The following ALOX5 variants were observed in gnomAD, a reference collection of about 807,000 sequenced individuals.
ALOX5 encodes the protein polyunsaturated fatty acid 5-lipoxygenase.
Under a neutral mutation model 87.9 loss-of-function variants are expected in ALOX5, and 64 were observed. The observed-to-expected ratio is 0.73, with a 90% CI of 0.60 to 0.90. ALOX5 has a LOEUF of 0.90. Among genes scored for constraint, ALOX5 ranks in the 40% least tolerant of loss-of-function variants. The pLI, the probability that ALOX5 is intolerant of heterozygous loss-of-function variation, is 0.00. For synonymous variants in ALOX5, 388 were observed against 355.1 expected (o/e 1.09, Z -1.04); for missense variants, 822 against 907.5 (o/e 0.91, Z 1.21).
chr10:45,440,340 C>T (rs1270692883), intron 7 of ALOX5, 90 bp from the exon 8 acceptor site: 11 of 1,382,358 alleles, frequency 8.0e-6, no homozygotes, highest in African/African-American at 1.4e-5. Context: ...AATTCAGATA[C>T]TTCTGGAACT....
intron 9 of ALOX5, chr10:45,442,806 C>G: frequency 1.8e-6 from 1 of 541,680 alleles, no homozygotes; most frequent in Non-Finnish European, 3.2e-6. Context: ...CTCTGCAGCC[C>G]CACGGTTCAG....
rs758568546 is a variant in ALOX5, at chr10:45,382,593, G to A, written c.261G>A (p.Thr87=). 58 of 1,614,036 alleles carry A rather than the reference G, an allele frequency of 3.6e-5. 1 individual carries two copies. Among genetic ancestry groups the A allele is most frequent in the Non-Finnish European group, 4.5e-5 (53 of 1,180,054 alleles). ...LNDDWYLKYI[T]LKTPHGDYIE... is the part of the protein sequence containing the mutation. ...ACGACTGGTACCTGAAGTACATCACGCTGAAGACGCCCCACGGGGACTACA... is the reference window on the plus strand; with the variant it reads ...ACGACTGGTACCTGAAGTACATCACACTGAAGACGCCCCACGGGGACTACA... Residue 87 remains threonine (T), a synonymous_variant, in exon 2 of 14, where the codon ACG becomes ACA. Coordinates refer to ENST00000374391, the MANE Select transcript of ALOX5 (RefSeq NM_000698.5).
At chr10:45,387,936 G>A (rs1840062015) in intron 2 of ALOX5, among the ~76,000 whole-genome samples, 1 of 152,222 alleles carries the variant, frequency 6.6e-6, no homozygotes, top group Non-Finnish European at 1.5e-5. Flanking sequence ...TCTCACTGGG[G>A]ATTGTTGGAC....
intron 3 of ALOX5, among the ~76,000 whole-genome samples, chr10:45,406,872 A>G (rs1840904256): frequency 6.6e-6 from 1 of 152,198 alleles, no homozygotes; most frequent in South Asian, 2.1e-4. Context: ...CATGTCTGGA[A>G]TTCCCAAAAC....
chr10:45,383,487 G>A (rs1839911787), intron 2 of ALOX5, among the ~76,000 whole-genome samples: 1 of 152,254 alleles, frequency 6.6e-6, no homozygotes, highest in Non-Finnish European at 1.5e-5. Flanking sequence ...AACCTGGAAA[G>A]ATAAGCCTTC....
At chr10:45,418,851 G>GA (rs1336348933) in intron 4 of ALOX5, among the ~76,000 whole-genome samples, 1 of 152,240 alleles carries the variant, frequency 6.6e-6, no homozygotes, top group Non-Finnish European at 1.5e-5. Flanking sequence ...TGGCAGGGCT[G>GA]AAAAGACAAT....
intron 4 of ALOX5, among the ~76,000 whole-genome samples, chr10:45,413,926 A>G (rs1841165793): frequency 1.3e-5 from 2 of 152,314 alleles, no homozygotes; most frequent in Non-Finnish European, 2.9e-5. Flanking sequence ...ACCACTGCTC[A>G]ACAAAATAAA....
At chr10:45,412,605 C>T (rs1251480603) in intron 4 of ALOX5, among the ~76,000 whole-genome samples, 2 of 152,230 alleles carry the variant, frequency 1.3e-5, no homozygotes, top group East Asian at 1.9e-4. Context: ...ATATCTCATG[C>T]TCTCTATGGC....
rs1340225089 is a variant in ALOX5, at chr10:45,444,136, C to T, written c.1695C>T (p.Ile565=). The T allele has an allele frequency of 6.5e-7, 1 of 1,547,698 alleles. No individual in the cohort carries two copies. Among genetic ancestry groups the T allele is most frequent in the Admixed American group, 2.0e-5 (1 of 51,208 alleles). The change falls in exon 13 of 14, where the codon ATC becomes ATT. Residue 565 remains isoleucine (I), a synonymous_variant. Coordinates refer to ENST00000374391, the MANE Select transcript of ALOX5 (RefSeq NM_000698.5). ...NFGQYDWCSW[I]PNAPPTMRAP... is the part of the protein sequence containing the mutation. ...CGCAGTACGACTGGTGCTCCTGGAT[C>T]CCCAATGCGCCCCCAACCATGCGAG...
At chr10:45,418,170 G>A (rs373810219) in intron 4 of ALOX5, among the ~76,000 whole-genome samples, 2 of 152,314 alleles carry the variant, frequency 1.3e-5, no homozygotes, top group South Asian at 4.1e-4. Context: ...AGTTCTGCGG[G>A]GGAGAGAAGA....
rs888080240 is a variant in ALOX5 at position 45,443,807 on chromosome 10, C to G, written c.1653C>G (p.His551Gln). The G allele has an allele frequency of 1.9e-6, 3 of 1,609,338 alleles. No homozygotes were observed. Among genetic ancestry groups the G allele is most frequent in the Non-Finnish European group, 1.7e-6 (2 of 1,178,306 alleles). Residue 551 changes from histidine (H) to glutamine (Q), a missense_variant, in exon 12 of 14, where the codon CAC (histidine) becomes CAG (glutamine). His to Gln is a conservative substitution (Grantham distance 24, BLOSUM62 0). Transcript: ENST00000374391. ...TVVIFTASAQ[H>Q]AAVNFGQYDW... The stretch of plus-strand genomic sequence containing the variant: ...TGATCTTCACCGCCTCCGCCCAGCA[C>G]GCCGCGGTCAACTTCGGCCAGGTAG...
intron 2 of ALOX5, among the ~76,000 whole-genome samples, chr10:45,386,887 C>G (rs1840026681): frequency 6.6e-6 from 1 of 152,152 alleles, no homozygotes; most frequent in South Asian, 2.1e-4. Context: ...CCGCCCTTAG[C>G]TACCTGCTAC....
intron 4 of ALOX5, among the ~76,000 whole-genome samples, chr10:45,415,774 C>CA (rs1208395181): frequency 9.2e-5 from 14 of 152,276 alleles, no homozygotes; most frequent in African/African-American, 3.4e-4. Context: ...GGGGAATAGT[C>CA]AGTTATGTAT....
At chr10:45,398,463 A>G (rs1840589591) in intron 3 of ALOX5, among the ~76,000 whole-genome samples, 1 of 152,240 alleles carries the variant, frequency 6.6e-6, no homozygotes, top group African/African-American at 2.4e-5. Flanking sequence ...ATATGACACC[A>G]AAAGCATCAG....
chr10:45,424,197 C>T (rs372321818), intron 5 of ALOX5, 50 bp downstream of exon 5: 2 of 1,443,780 alleles, frequency 1.4e-6, no homozygotes, highest in South Asian at 1.1e-5. Context: ...GGGGATGCTG[C>T]TCTCCTGTCT....
rs552427830 is a variant in ALOX5 at position 45,389,245 on chromosome 10, TG to T, written c.349+6566del. Among the ~76,000 whole-genome samples, 434 of 152,064 alleles carry T rather than the reference TG, an allele frequency of 2.9e-3. 3 individuals are homozygous for T. Among genetic ancestry groups the T allele is most frequent in the Non-Finnish European group, 4.8e-3 (325 of 67,992 alleles). On this transcript the variant is annotated intron_variant, in intron 2 of 13. Transcript: ENST00000374391. ...GTGTACCTGAAAGTGATGGGGAGAA[TG>T]GAACCAGGTTGGAAAACACTCTGCA...
At chr10:45,418,785 C>T (rs1014677705) in intron 4 of ALOX5, among the ~76,000 whole-genome samples, 2 of 152,166 alleles carry the variant, frequency 1.3e-5, no homozygotes, top group Non-Finnish European at 2.9e-5. Flanking sequence ...GGAGGAAAAG[C>T]TGATGTGTTC....
chr10:45,391,434 G>A (rs984727207), intron 2 of ALOX5, among the ~76,000 whole-genome samples: 7 of 152,108 alleles, frequency 4.6e-5, no homozygotes, highest in Admixed American at 6.5e-5. Flanking sequence ...GCGTGATCTC[G>A]GCTCGCTACA....
chr10:45,441,201 A>C, intron 8 of ALOX5, 143 bp from the exon 9 acceptor site: 1 of 698,458 alleles, frequency 1.4e-6, no homozygotes, highest in Non-Finnish European at 2.5e-6. Flanking sequence ...TATTCAGCAG[A>C]AAGATCAGCA....
Sources: gnomAD v4.1 joint callset for allele counts (sites outside exome capture counted in the v4.1 genomes callset) on GRCh38, gnomAD v4.1.1 for gene constraint, MANE v1.5 for transcripts, NCBI Gene and HGNC (gene_info 2026-07-23, HGNC 2026-07-21) for gene names.